LRP1B: variants seen among roughly 807,000 people sequenced by gnomAD.
LRP1B encodes LDL receptor related protein 1B, also known as low-density lipoprotein receptor-related protein 1B.
In LRP1B, 217 loss-of-function variants were observed where a neutral mutation model predicts 556.6. That is an observed-to-expected ratio of 0.39 (90% CI 0.35 to 0.44). The LOEUF (loss-of-function observed/expected upper bound fraction) is 0.44. Among genes scored for constraint, LRP1B ranks in the 20% least tolerant of loss-of-function variants. The probability of loss-of-function intolerance (pLI) is 1.00; values close to 1 mark genes in which losing one functional copy is unlikely to be tolerated. For synonymous variants in LRP1B, 2,047 were observed against 1,865.8 expected (o/e 1.10, Z -2.50); for missense variants, 5,053 against 5,620.8 (o/e 0.90, Z 3.23).
In LRP1B at chr2:141,798,705, C is replaced by CAAA. The variant is rs151310050; in HGVS notation, c.205+11571_205+11573dup. On this transcript the variant is annotated intron_variant, in intron 2 of 90. Transcript: ENST00000389484. ...CTGGCAACAGAGTAAGACTCTGTCT[C>CAAA]AAAAAAAAAAAAAAAAAAAAAAAAG... is the stretch of plus-strand genomic sequence containing the variant. 2.1e-3 allele frequency among the ~76,000 whole-genome samples: 133 copies of CAAA among 62,000 alleles called. 6 individuals carry two copies. Among genetic ancestry groups the CAAA allele is most frequent in the Middle Eastern group, 0.017 (1 of 58 alleles). 40.7% of individuals were successfully genotyped at this position (62,000 alleles called of 152,430 possible). A position where few individuals can be genotyped will look rare whatever the true frequency, so the allele number is the denominator to read the frequency against.
chr2:141,976,915 T>A (rs115152929), intron 1 of LRP1B, among the ~76,000 whole-genome samples: 1 of 152,104 alleles, frequency 6.6e-6, no homozygotes, highest in East Asian at 1.9e-4. Flanking sequence ...GAAAATAAAA[T>A]GGGGAAGACA....
chr2:140,925,231 A>T (rs1035501991), intron 20 of LRP1B, among the ~76,000 whole-genome samples: 1 of 152,182 alleles, frequency 6.6e-6, no homozygotes, highest in Non-Finnish European at 1.5e-5. Flanking sequence ...TGACTGTATG[A>T]CATAGCTACT....
At chr2:141,887,033 T>C (rs968372492) in intron 1 of LRP1B, among the ~76,000 whole-genome samples, 31 of 151,800 alleles carry the variant, frequency 2.0e-4, no homozygotes, top group Non-Finnish European at 4.4e-5. Flanking sequence ...TCTTGCTCTG[T>C]CACCCAACCT....
At chr2:141,665,753 G>A (rs926545556) in intron 2 of LRP1B, among the ~76,000 whole-genome samples, 2 of 152,104 alleles carry the variant, frequency 1.3e-5, no homozygotes, top group Non-Finnish European at 2.9e-5. Flanking sequence ...GACATAAAAA[G>A]GAATGAGATC....
chr2:141,960,389 A>G (rs1271613277), intron 1 of LRP1B, among the ~76,000 whole-genome samples: 1 of 151,822 alleles, frequency 6.6e-6, no homozygotes, highest in African/African-American at 2.4e-5. Context: ...TCACTTTGCT[A>G]TTTCCCACAT....
rs186243192 is a variant in LRP1B at position 141,147,506 on chromosome 2, A to C, written c.1013+40915T>G. 1.8e-3 allele frequency among the ~76,000 whole-genome samples: 277 copies of C among 152,284 alleles called. 1 individual carries two copies. The highest frequency in any genetic ancestry group is 6.5e-3 in the African/African-American group (269 of 41,532). On this transcript the variant is annotated intron_variant, in intron 7 of 90. Coordinates refer to ENST00000389484, the MANE Select transcript of LRP1B (RefSeq NM_018557.3). ...ATGCAAAAGTAAAATATGTATTAAC[A>C]GAGAGCATTTTTTTTAATAAATAAA...
chr2:141,758,877 G>C (rs16847056), intron 2 of LRP1B, among the ~76,000 whole-genome samples: 5,599 of 152,184 alleles, frequency 0.037, 193 homozygotes, highest in East Asian at 0.13. Flanking sequence ...AAGGAGTGCT[G>C]ATAAAATTAT....
rs117374989 is a variant in LRP1B, at chr2:140,480,752, A to G, written c.9425+4591T>C. Among the ~76,000 whole-genome samples the G allele has an allele frequency of 4.5e-3, 678 of 152,228 alleles. 11 individuals are homozygous for G. The East Asian group carries it at 0.045, about 10-fold the overall frequency. Reference sequence around the variant, plus strand: ...CACCGTGCCTGGCCTCTAACAGGCTATTGTCAGAATTTTAGTAAAAGAAAA... The same window carrying G: ...CACCGTGCCTGGCCTCTAACAGGCTGTTGTCAGAATTTTAGTAAAAGAAAA... On this transcript the variant is annotated intron_variant, in intron 59 of 90. Transcript: ENST00000389484.
intron 41 of LRP1B, among the ~76,000 whole-genome samples, chr2:140,676,292 C>T (rs1213833391): frequency 6.6e-6 from 1 of 152,116 alleles, no homozygotes; most frequent in African/African-American, 2.4e-5. Context: ...GATAACAGTG[C>T]ATATTTCTCT....
At chr2:140,734,552 A>G (rs187625100) in intron 35 of LRP1B, among the ~76,000 whole-genome samples, 4 of 152,334 alleles carry the variant, frequency 2.6e-5, no homozygotes, top group South Asian at 2.1e-4. Context: ...ACAATGATCA[A>G]CCATCCCAGT....
intron 2 of LRP1B, among the ~76,000 whole-genome samples, chr2:141,598,562 C>T (rs1229452564): frequency 6.6e-6 from 1 of 152,024 alleles, no homozygotes; most frequent in Non-Finnish European, 1.5e-5. Flanking sequence ...GTGTTTAGTA[C>T]GTCTTCCATC....
intron 41 of LRP1B, among the ~76,000 whole-genome samples, chr2:140,683,046 C>A (rs184844595): frequency 2.8e-4 from 43 of 152,268 alleles, no homozygotes; most frequent in African/African-American, 9.1e-4. Context: ...ATAAATAAAT[C>A]TTTTGTCATT....
At chr2:141,211,997 T>G (rs564448317) in intron 6 of LRP1B, among the ~76,000 whole-genome samples, 1 of 152,282 alleles carries the variant, frequency 6.6e-6, no homozygotes, top group Non-Finnish European at 1.5e-5. Context: ...TGTTTCTATA[T>G]AAATGTGCTA....
intron 3 of LRP1B, among the ~76,000 whole-genome samples, chr2:141,391,771 A>G (rs1205146688): frequency 6.6e-6 from 1 of 152,218 alleles, no homozygotes; most frequent in Non-Finnish European, 1.5e-5. Flanking sequence ...ACAAGGGAAT[A>G]GAAGTAGAAG....
At chr2:141,175,574 G>A (rs1680697499) in intron 7 of LRP1B, among the ~76,000 whole-genome samples, 1 of 152,152 alleles carries the variant, frequency 6.6e-6, no homozygotes, top group Non-Finnish European at 1.5e-5. Flanking sequence ...TTAGATTTCA[G>A]TGGATGTATG....
chr2:140,924,236 C>T (rs559659514), intron 20 of LRP1B, among the ~76,000 whole-genome samples: 1 of 151,952 alleles, frequency 6.6e-6, no homozygotes, highest in African/African-American at 2.4e-5. Context: ...TGTCAAAGTT[C>T]CTAATAACAG....
intron 18 of LRP1B, among the ~76,000 whole-genome samples, chr2:140,952,526 A>C (rs1695748573): frequency 6.6e-6 from 1 of 152,140 alleles, no homozygotes; most frequent in Admixed American, 6.6e-5. Flanking sequence ...AACAACAAAA[A>C]AAACAAAAAA....
intron 83 of LRP1B, among the ~76,000 whole-genome samples, chr2:140,310,945 C>T (rs1032096590): frequency 3.3e-5 from 5 of 151,858 alleles, no homozygotes; most frequent in Non-Finnish European, 5.9e-5. Flanking sequence ...AATAAATAAT[C>T]ACAAGAGAAA....
At chr2:141,846,849 G>GT (rs1697670790) in intron 1 of LRP1B, among the ~76,000 whole-genome samples, 1 of 151,418 alleles carries the variant, frequency 6.6e-6, no homozygotes, top group Admixed American at 6.6e-5. Flanking sequence ...CTAGAAAAAT[G>GT]TTTTTTAAAA....
Sources: gnomAD v4.1 joint callset for allele counts (sites outside exome capture counted in the v4.1 genomes callset) on GRCh38, gnomAD v4.1.1 for gene constraint, MANE v1.5 for transcripts, NCBI Gene and HGNC (gene_info 2026-07-23, HGNC 2026-07-21) for gene names.